Variants in TSHZ3 observed in about 807,000 individuals in gnomAD.
TSHZ3 encodes teashirt zinc finger homeobox 3, also known as teashirt homolog 3.
In TSHZ3, 10 loss-of-function variants were observed where a neutral mutation model predicts 64.5. The observed-to-expected ratio is 0.16, with a 90% CI of 0.10 to 0.26. The LOEUF (loss-of-function observed/expected upper bound fraction) is 0.26, where lower values mean the gene tolerates loss of function less well. TSHZ3 is among the 10% of genes least tolerant of loss of function. The pLI is 1.00. For synonymous variants in TSHZ3, 608 were observed against 593.1 expected (o/e 1.03, Z -0.36); for missense variants, 1,242 against 1,421.7 (o/e 0.87, Z 2.03).
chr19:31,336,001 C>T (rs758226315), intron 1 of TSHZ3, among the ~76,000 whole-genome samples: 2 of 152,180 alleles, frequency 1.3e-5, no homozygotes, highest in Admixed American at 1.3e-4. Context: ...TGTCCCAGCT[C>T]AAAAATGTGT....
intron 1 of TSHZ3, among the ~76,000 whole-genome samples, chr19:31,300,710 T>C (rs959015902): frequency 3.8e-4 from 58 of 152,128 alleles, no homozygotes; most frequent in African/African-American, 1.3e-3. Context: ...GTGGCTCCTC[T>C]GATTTGATCC....
intron 5 of TSHZ3, among the ~76,000 whole-genome samples, chr19:31,163,405 G>A (rs1294334084): frequency 1.3e-5 from 2 of 152,152 alleles, no homozygotes; most frequent in Admixed American, 1.3e-4. Flanking sequence ...CAGTTTCAGT[G>A]GGGAGTACAA....
intron 5 of TSHZ3, among the ~76,000 whole-genome samples, chr19:31,192,630 A>G (rs1301081503): frequency 6.6e-6 from 1 of 152,118 alleles, no homozygotes; most frequent in African/African-American, 2.4e-5. Flanking sequence ...TCTTATTTTT[A>G]TCATCCAACA....
At chr19:31,295,702 T>C (rs1442493315) in intron 1 of TSHZ3, among the ~76,000 whole-genome samples, 3 of 152,090 alleles carry the variant, frequency 2.0e-5, no homozygotes, top group African/African-American at 7.2e-5. Context: ...TGTGTTCACC[T>C]GGGGAAAATT....
chr19:31,320,434 GTTAT>G (rs1916734638), intron 1 of TSHZ3, among the ~76,000 whole-genome samples: 1 of 152,184 alleles, frequency 6.6e-6, no homozygotes, highest in South Asian at 2.1e-4. Flanking sequence ...TTGTGTGAAT[GTTAT>G]TTATTTAACC....
intron 4 of TSHZ3, among the ~76,000 whole-genome samples, chr19:31,227,949 G>A (rs1013460013): frequency 6.6e-6 from 1 of 152,024 alleles, no homozygotes; most frequent in Non-Finnish European, 1.5e-5. Flanking sequence ...GTAAACTCTG[G>A]TTCCTTCCCT....
chr19:31,187,966 T>C (rs554898928), intron 5 of TSHZ3, among the ~76,000 whole-genome samples: 31 of 152,198 alleles, frequency 2.0e-4, no homozygotes, highest in African/African-American at 7.5e-4. Context: ...TCTGCTGGAA[T>C]TTCTATTTGG....
At chr19:31,252,106 C>G (rs142995590) in intron 1 of TSHZ3, among the ~76,000 whole-genome samples, 1 of 152,200 alleles carries the variant, frequency 6.6e-6, no homozygotes, top group East Asian at 1.9e-4. Flanking sequence ...TTTCCTGAGG[C>G]CATGACATTA....
At position 31,155,511 on chromosome 19, in the gene TSHZ3, G is replaced by A. The variant is rs192191035; in HGVS notation, n.871+845C>T. Among the ~76,000 whole-genome samples the A allele has an allele frequency of 1.3e-3, 202 of 152,340 alleles. 2 individuals carry two copies. The highest frequency in any genetic ancestry group is 4.5e-3 in the African/African-American group (188 of 41,582). Reference sequence around the variant, plus strand: ...GGACATATCTTTCCGCAGCCTGGGCGCTAGTTCACGCATTCATGTGATAAA... The same window carrying A: ...GGACATATCTTTCCGCAGCCTGGGCACTAGTTCACGCATTCATGTGATAAA... On this transcript the variant is annotated intron_variant and non_coding_transcript_variant, in intron 6 of 6. Coordinates refer to the TSHZ3 transcript ENST00000651361.
chr19:31,296,327 ATT>A (rs35057697), intron 1 of TSHZ3, among the ~76,000 whole-genome samples: 3,366 of 94,054 alleles, frequency 0.036, 165 homozygotes, highest in African/African-American at 0.14. Context: ...AGTGCTGTGA[ATT>A]TTTTTTTTTT....
intron 6 of TSHZ3, among the ~76,000 whole-genome samples, chr19:31,153,440 T>C (rs771115670): frequency 5.3e-5 from 8 of 152,220 alleles, no homozygotes; most frequent in Non-Finnish European, 1.2e-4. Context: ...ATAAAATGGA[T>C]TGCAGTTTTG....
chr19:31,272,797 G>A (rs1441426914), downstream of TSHZ3, among the ~76,000 whole-genome samples: 1 of 152,124 alleles, frequency 6.6e-6, no homozygotes, highest in Non-Finnish European at 1.5e-5. Flanking sequence ...TGTGATGGTC[G>A]GAAGATATAC....
chr19:31,298,060 T>A (rs1976693752), intron 1 of TSHZ3, among the ~76,000 whole-genome samples: 1 of 152,076 alleles, frequency 6.6e-6, no homozygotes, highest in Non-Finnish European at 1.5e-5. Flanking sequence ...GCCTCCTAGG[T>A]CACCTGTCAC....
Position 31,338,146 on chromosome 19 carries a change from G to A in TSHZ3, c.40+11034C>T, listed in dbSNP as rs145097790. Among the ~76,000 whole-genome samples, 274 of 152,318 alleles carry A rather than the reference G, an allele frequency of 1.8e-3. 3 individuals are homozygous for A. The South Asian group carries it at 0.022, about 12-fold the overall frequency. On this transcript the variant is annotated intron_variant, in intron 1 of 1. Transcript: ENST00000240587. ...TTTCCACCAGGGAAGCAGGCTGCAA[G>A]GCCTCTTGCAGCAGAAGAGGTGGAA...
At chr19:31,330,188 C>T (rs2145180275) in intron 1 of TSHZ3, among the ~76,000 whole-genome samples, 1 of 151,834 alleles carries the variant, frequency 6.6e-6, no homozygotes, top group South Asian at 2.1e-4. Context: ...TCTGTAATAG[C>T]TCTGCCTTCC....
chr19:31,349,244 G>C lies in TSHZ3; in HGVS notation c.-25C>G, dbSNP rs1455330836. On this transcript the variant is annotated 5_prime_UTR_variant, in exon 1 of 2. Coordinates refer to ENST00000240587, the MANE Select transcript of TSHZ3 (RefSeq NM_020856.4). ...TGATGCTTCTCCGGCGACTGCCACT[G>C]CCGCCGCCGCCGCCGCTGCCGGGCT... The C allele has an allele frequency of 1.4e-6, 2 of 1,427,732 alleles. No individual in the cohort carries two copies. Among genetic ancestry groups the C allele is most frequent in the Non-Finnish European group, 1.9e-6 (2 of 1,062,186 alleles). The allele number at this position is 1,427,732 out of a possible 1,614,324, so 88.4% of individuals were successfully genotyped here. A position where few individuals can be genotyped will look rare whatever the true frequency, so the allele number is the denominator to read the frequency against.
At position 31,277,694 on chromosome 19, in the gene TSHZ3, C is replaced by A. The variant is rs1976268877; in HGVS notation, c.2099G>T (p.Ser700Ile). 5 of 1,527,618 alleles carry A rather than the reference C, an allele frequency of 3.3e-6. No individual in the cohort carries two copies. Among genetic ancestry groups the A allele is most frequent in the Middle Eastern group, 1.8e-4 (1 of 5,640 alleles). 94.6% of individuals were successfully genotyped at this position (1,527,618 alleles called of 1,614,324 possible). A position where few individuals can be genotyped will look rare whatever the true frequency, so the allele number is the denominator to read the frequency against. ...GATGGCCGTGCTGCCACTCAAACTG[C>A]TGGCTAGGGGCTTCACCAGCTCCTT... Reference protein sequence around the residue: ...NGKELVKPLASSLSGSTAIIT... With the variant: ...NGKELVKPLAISLSGSTAIIT... The change falls in exon 2 of 2, where the codon AGC becomes ATC. Residue 700 changes from serine to isoleucine, a missense_variant. Ser to Ile is a moderately radical substitution (Grantham distance 142). This residue lies in a region of TSHZ3 where 550 missense variants were observed against 545.1 expected (regional missense o/e 1.01). Coordinates refer to ENST00000240587, the MANE Select transcript of TSHZ3 (RefSeq NM_020856.4). This position sits in a 1 kb window ranked among gnomAD's most constrained non-coding sequence, Gnocchi z 4.5.
At position 31,276,760 on chromosome 19, in the gene TSHZ3, G is replaced by C. The variant is rs771590645; in HGVS notation, c.3033C>G (p.Thr1011=). 1.9e-6 allele frequency: 3 copies of C among 1,613,750 alleles called. No individual in the cohort carries two copies. The highest frequency in any genetic ancestry group is 1.7e-6 in the Non-Finnish European group (2 of 1,179,704). ...FRLRDLSKLS[T]EQINSQIAQT... is the part of the protein sequence containing the mutation. ...GTGCTATCTGACTGTTAATCTGTTC[G>C]GTGGACAGTTTGGATAAGTCCCGTA... Residue 1011 remains threonine, a synonymous_variant, in exon 2 of 2, where the codon ACC becomes ACG. Transcript: ENST00000240587.
chr19:31,261,401 G>T (rs947454508), intron 1 of TSHZ3, among the ~76,000 whole-genome samples: 1 of 152,156 alleles, frequency 6.6e-6, no homozygotes, highest in Non-Finnish European at 1.5e-5. Flanking sequence ...AAGCCCGAGG[G>T]GTGGCCTTGG....
Sources: gnomAD v4.1 joint callset for allele counts (sites outside exome capture counted in the v4.1 genomes callset) on GRCh38, gnomAD v4.1.1 for gene constraint, gnomAD v4.1.1 regional missense constraint, Gnocchi (gnomAD v3.1) non-coding constraint, MANE v1.5 for transcripts, NCBI Gene and HGNC (gene_info 2026-07-23, HGNC 2026-07-21) for gene names.